ZKSCAN4: variants seen among roughly 807,000 people sequenced by gnomAD.
ZKSCAN4 encodes the protein zinc finger protein with KRAB and SCAN domains 4.
In ZKSCAN4, 23 loss-of-function variants were observed where a neutral mutation model predicts 30.8. That is an observed-to-expected ratio of 0.75 (90% confidence interval 0.54 to 1.06). ZKSCAN4 has a LOEUF of 1.06. Among genes scored for constraint, ZKSCAN4 ranks in the 50% least tolerant of loss-of-function variants. The pLI, the probability that ZKSCAN4 is intolerant of heterozygous loss-of-function variation, is 0.00. For missense variants in ZKSCAN4, 556 were observed against 665.4 expected, an observed-to-expected ratio of 0.84 and a Z score of 1.81; for synonymous variants, 208 against 252.5, an observed-to-expected ratio of 0.82 and a Z score of 1.67.
chr6:28,246,039 G>A, intron 4 of ZKSCAN4, 64 bp from the exon 5 acceptor site: 3 of 1,597,184 alleles, frequency 1.9e-6, no homozygotes, highest in South Asian at 1.1e-5. Flanking sequence ...GCTCTGTGAT[G>A]AGTACTAGGG....
chr6:28,256,639 T>G (rs1561865933), upstream of ZKSCAN4, among the ~76,000 whole-genome samples: 1 of 152,256 alleles, frequency 6.6e-6, no homozygotes, highest in Non-Finnish European at 1.5e-5. Flanking sequence ...TATATTTCTA[T>G]GCTGTATGCA....
the ZKSCAN4 span, among the ~76,000 whole-genome samples, chr6:28,257,322 A>C: frequency 3.0e-4 from 46 of 152,320 alleles, no homozygotes; most frequent in Non-Finnish European, 5.3e-4. Flanking sequence ...ATGTTCTCAT[A>C]AGTGGGAGTT....
chr6:28,258,331 A>T, the ZKSCAN4 span, among the ~76,000 whole-genome samples: 1 of 152,184 alleles, frequency 6.6e-6, no homozygotes, highest in East Asian at 1.9e-4. Flanking sequence ...ATCATTTCTG[A>T]GAGTGAGATC....
Position 28,252,039 on chromosome 6 carries a change from A to G in ZKSCAN4, c.-59T>C. On this transcript the variant is annotated 5_prime_UTR_variant, in exon 1 of 5. Transcript: ENST00000377294. ...GTTGCGACCTGTATATCTTCAGAGGATTCTGGAAGGGTGGTAAATTTTCCA... is the reference window on the plus strand; with the variant it reads ...GTTGCGACCTGTATATCTTCAGAGGGTTCTGGAAGGGTGGTAAATTTTCCA... 1 of 1,493,686 alleles carries G rather than the reference A, an allele frequency of 6.7e-7. No individual in the cohort carries two copies. The allele number at this position is 1,493,686 out of a possible 1,614,324, so 92.5% of individuals were successfully genotyped here.
rs1330340457 is a variant in ZKSCAN4, at chr6:28,242,059, CA to C, written c.*3056del. Among the ~76,000 whole-genome samples the C allele has an allele frequency of 1.3e-5, 2 of 151,902 alleles. No individual in the cohort carries two copies. The highest frequency in any genetic ancestry group is 3.9e-4 in the East Asian group (2 of 5,194). On this transcript the variant is annotated 3_prime_UTR_variant, in exon 5 of 5. Coordinates refer to ENST00000377294, the MANE Select transcript of ZKSCAN4 (RefSeq NM_019110.5). ...GTGCTATAACCATTTACTATTCAAGCAAAGGGAGAAAAAAGAAAATAGAAGA... is the reference window on the plus strand; with the variant it reads ...GTGCTATAACCATTTACTATTCAAGCAAGGGAGAAAAAAGAAAATAGAAGA...
At chr6:28,246,286 T>C (rs530009014) in intron 4 of ZKSCAN4, among the ~76,000 whole-genome samples, 55 of 152,138 alleles carry the variant, frequency 3.6e-4, no homozygotes, top group African/African-American at 1.3e-3. Flanking sequence ...GCCATGCACC[T>C]AGGATTAGAT....
At chr6:28,257,350 G>C in the ZKSCAN4 span, among the ~76,000 whole-genome samples, 2 of 152,084 alleles carry the variant, frequency 1.3e-5, no homozygotes, top group Admixed American at 1.3e-4. Context: ...GAGAACACAT[G>C]GACACAGCGA....
rs752654407 is a variant in ZKSCAN4, at chr6:28,245,914, C to T, written c.840G>A (p.Glu280=). The change falls in exon 5 of 5, where the codon GAG becomes GAA. Residue 280 remains glutamate (E), a synonymous_variant. Coordinates refer to ENST00000377294, the MANE Select transcript of ZKSCAN4 (RefSeq NM_019110.5). ...LPPVKKLPEK[E]HGKICHLRED... is the part of the protein sequence containing the mutation. ...CCCTCAGGTGGCATATCTTCCCATG[C>T]TCCTTTTCTGGAAGCTTCTTGACTG... 1 of 1,614,208 alleles carries T rather than the reference C, an allele frequency of 6.2e-7. No individual in the cohort carries two copies. The highest frequency in any genetic ancestry group is 8.5e-7 in the Non-Finnish European group (1 of 1,180,036).
chr6:28,244,289 CTCAG>C lies in ZKSCAN4; in HGVS notation c.*823_*826del, dbSNP rs558672281. Among the ~76,000 whole-genome samples the C allele has an allele frequency of 3.7e-3, 569 of 152,238 alleles. 7 individuals carry two copies. The highest frequency in any genetic ancestry group is 0.012 in the Admixed American group (176 of 15,286). On this transcript the variant is annotated 3_prime_UTR_variant, in exon 5 of 5. Transcript: ENST00000377294. Reference sequence around the variant, plus strand: ...ATTCATAATAATCATTTTGATCTAACTCAGTAAGTTGATTTTTATTTACCTGAAT... The same window carrying C: ...ATTCATAATAATCATTTTGATCTAACTAAGTTGATTTTTATTTACCTGAAT...
At chr6:28,254,903 T>C (rs1761136310), upstream of ZKSCAN4, among the ~76,000 whole-genome samples, 4 of 152,362 alleles carry the variant, frequency 2.6e-5, no homozygotes, top group South Asian at 6.2e-4. Context: ...AGACTTTGTA[T>C]GGCACTTCTG....
chr6:28,246,105 T>A, intron 4 of ZKSCAN4, 130 bp from the exon 5 acceptor site: 12 of 1,279,718 alleles, frequency 9.4e-6, no homozygotes, highest in Non-Finnish European at 1.2e-5. Flanking sequence ...AGTGCTAGAA[T>A]AAGAATGGGA....
In ZKSCAN4 at chr6:28,251,381, T is replaced by A; in HGVS notation, c.423+177A>T. 1.1e-6 allele frequency: 1 copy of A among 919,826 alleles called. No individual in the cohort carries two copies. The highest frequency in any genetic ancestry group is 1.5e-5 in the South Asian group (1 of 64,864). The allele number at this position is 919,826 out of a possible 1,614,324, so 57.0% of individuals were successfully genotyped here. ...TGTAATCCTTTATAGTTTCTTTATA[T>A]ATTTAAAAATATAATTCTGAGAAGG... On this transcript the variant is annotated intron_variant, in intron 1 of 4. Transcript: ENST00000377294. The surrounding 1 kb of genome is among the most constrained non-coding windows in gnomAD (Gnocchi z 4.5).
Position 28,251,558 on chromosome 6 carries a change from C to T in ZKSCAN4, c.423G>A (p.Gln141=), listed in dbSNP as rs751187397. The T allele has an allele frequency of 2.5e-6, 4 of 1,614,180 alleles. No homozygotes were observed. In the South Asian group the frequency reaches 4.4e-5, roughly 18 times the overall value. ...LERQLDEPAP[Q]VPVGDQGQEL... is the part of the protein sequence containing the mutation. ...CAGATACTAAACCTGTTCTTTCTACCTGCGGCGCCGGCTCATCCAGCTGCC... is the reference window on the plus strand; with the variant it reads ...CAGATACTAAACCTGTTCTTTCTACTTGCGGCGCCGGCTCATCCAGCTGCC... Residue 141 remains glutamine (Q), a splice_region_variant and synonymous_variant, in exon 1 of 5, where the codon CAG becomes CAA. Transcript: ENST00000377294. The surrounding 1 kb of genome is among the most constrained non-coding windows in gnomAD (Gnocchi z 4.5).
Position 28,245,735 on chromosome 6 carries a change from C to T in ZKSCAN4, c.1019G>A (p.Arg340Lys). 1.9e-6 allele frequency: 3 copies of T among 1,614,234 alleles called. No individual in the cohort carries two copies. Among genetic ancestry groups the T allele is most frequent in the Non-Finnish European group, 2.5e-6 (3 of 1,180,036 alleles). ...ATAGGGTTTCTCACCAGTGTGGATT[C>T]TCCTGTGTTTAGTCAGGCCTGAACT... ...AQSSGLTKHR[R>K]IHTGEKPYEC... The change falls in exon 5 of 5, where the codon AGA becomes AAA. Residue 340 changes from arginine to lysine, a missense_variant. Transcript: ENST00000377294.
At chr6:28,247,683 C>T (rs1397774158) in intron 3 of ZKSCAN4, among the ~76,000 whole-genome samples, 1 of 152,242 alleles carries the variant, frequency 6.6e-6, no homozygotes, top group Non-Finnish European at 1.5e-5. Context: ...CTTTATATCC[C>T]TCACCAACAG....
chr6:28,258,188 A>G, the ZKSCAN4 span, among the ~76,000 whole-genome samples: 1 of 152,364 alleles, frequency 6.6e-6, no homozygotes, highest in African/African-American at 2.4e-5. Flanking sequence ...TAGCATCAGG[A>G]AGGCATCATT....
rs770914812 is a variant in ZKSCAN4 at position 28,245,304 on chromosome 6, G to T, written c.1450C>A (p.Pro484Thr). The change falls in exon 5 of 5, where the codon CCC becomes ACC. Residue 484 changes from proline to threonine, a missense_variant. Physicochemically the swap from Pro to Thr is conservative, Grantham distance 38. Around this residue, in one of 3 missense-constraint regions of ZKSCAN4, gnomAD observed 433 missense variants for 511.5 expected, o/e 0.85. Transcript: ENST00000377294. Reference protein sequence around the residue: ...TESQWENTEAPVSYKCNECER... With the variant: ...TESQWENTEATVSYKCNECER... ...CACTCATTACATTTATAAGACACGG[G>T]AGCCTCAGTATTTTCCCACTGGCTT... 3 of 1,613,778 alleles carry T rather than the reference G, an allele frequency of 1.9e-6. No individual in the cohort carries two copies. The highest frequency in any genetic ancestry group is 2.5e-6 in the Non-Finnish European group (3 of 1,179,968).
upstream of ZKSCAN4, among the ~76,000 whole-genome samples, chr6:28,252,900 A>T (rs1279624778): frequency 1.3e-5 from 2 of 152,016 alleles, no homozygotes; most frequent in Non-Finnish European, 2.9e-5. Context: ...CAGGGACCCC[A>T]TTCTCTTCTG....
chr6:28,257,711 C>G, the ZKSCAN4 span, among the ~76,000 whole-genome samples: 2 of 152,102 alleles, frequency 1.3e-5, no homozygotes, highest in Non-Finnish European at 2.9e-5. Flanking sequence ...TTACTATTGG[C>G]CTTTTGCAGA....
Sources: gnomAD v4.1 joint callset for allele counts (sites outside exome capture counted in the v4.1 genomes callset) on GRCh38, gnomAD v4.1.1 for gene constraint, gnomAD v4.1.1 regional missense constraint, Gnocchi (gnomAD v3.1) non-coding constraint, MANE v1.5 for transcripts, NCBI Gene and HGNC (gene_info 2026-07-23, HGNC 2026-07-21) for gene names.